Variants in ZNF250 observed in about 807,000 individuals in gnomAD.
The protein encoded by ZNF250 is zinc finger protein 250.
In ZNF250, 13 loss-of-function variants were observed where a neutral mutation model predicts 37.1. That is an observed-to-expected ratio of 0.35 (90% CI 0.23 to 0.56). ZNF250 has a LOEUF of 0.56. Ranked by LOEUF, ZNF250 falls within the 20% of genes least tolerant of loss-of-function variation. The pLI is 0.87. For synonymous variants in ZNF250, 251 were observed against 265.6 expected, an observed-to-expected ratio of 0.94 and a Z score of 0.54; for missense variants, 474 against 697.9, an observed-to-expected ratio of 0.68 and a Z score of 3.61.
intron 1 of ZNF250, chr8:144,895,158 G>A (rs1203229559): frequency 6.6e-6 from 1 of 152,236 alleles, no homozygotes; most frequent in Admixed American, 6.5e-5. Context: ...AAGAATGGAT[G>A]TGGGTGAGGG....
rs926840455 is a variant in ZNF250 at position 144,891,612 on chromosome 8, G to C, written c.-54-1209C>G. On this transcript the variant is annotated intron_variant, in intron 1 of 5. Coordinates refer to ENST00000417550, the MANE Select transcript of ZNF250 (RefSeq NM_001109689.4). This position sits in a 1 kb window ranked among gnomAD's most constrained non-coding sequence, Gnocchi z 4.0. Reference sequence around the variant, plus strand: ...TATGCCTGTAATCCCAGCACTTTGGGAGGCCGAGGCAGGCGGATCACCCGA... The same window carrying C: ...TATGCCTGTAATCCCAGCACTTTGGCAGGCCGAGGCAGGCGGATCACCCGA... 3.9e-5 allele frequency among the ~76,000 whole-genome samples: 6 copies of C among 152,182 alleles called. No homozygotes were observed. The highest frequency in any genetic ancestry group is 1.4e-4 in the African/African-American group (6 of 41,446).
rs750348611 is a variant in ZNF250 at position 144,886,880 on chromosome 8, A to T, written c.306T>A (p.Thr102=). The T allele has an allele frequency of 3.1e-6, 5 of 1,613,568 alleles. No individual in the cohort carries two copies. The South Asian group carries it at 5.5e-5, about 18-fold the overall frequency. ...AACTGTCTTGTTGTGTACAGGCTGT[A>T]GTGTGGTCATATTTGAGGTTGTCTG... ...DYSDNLKYDH[T]TACTQQDSLS... Residue 102 remains threonine (T), a synonymous_variant, in exon 5 of 6, where the codon ACT becomes ACA. Coordinates refer to ENST00000417550, the MANE Select transcript of ZNF250 (RefSeq NM_001109689.4).
chr8:144,901,671 A>G (rs1006345484), upstream of ZNF250: 2 of 150,682 alleles, frequency 1.3e-5, no homozygotes, highest in Non-Finnish European at 3.0e-5. This position sits in a 1 kb window ranked among gnomAD's most constrained non-coding sequence, Gnocchi z 5.4. Context: ...GGGGCCGAAC[A>G]CCTCTGGGCA....
Position 144,890,012 on chromosome 8 carries a change from T to C in ZNF250, c.90A>G (p.Glu30=), listed in dbSNP as rs572434186. 2.4e-5 allele frequency: 38 copies of C among 1,613,328 alleles called. No individual in the cohort carries two copies. The East Asian group carries it at 7.4e-4, about 31-fold the overall frequency. The part of the protein sequence containing the change: ...EDVAVLLSQD[E]WDRLCPAQRG... The stretch of plus-strand genomic sequence containing the variant: ...TCTGAGCAGGGCACAGGCGGTCCCA[T>C]TCATCCTGGGAGAGGAGCACAGCCA... The change falls in exon 3 of 6, where the codon GAA becomes GAG. Residue 30 remains glutamate, a synonymous_variant. Transcript: ENST00000417550. The surrounding 1 kb of genome is among the most constrained non-coding windows in gnomAD (Gnocchi z 5.1).
At chr8:144,886,754 C>T (rs1831908743) in intron 5 of ZNF250, 86 bp downstream of exon 5, 3 of 1,237,480 alleles carry the variant, frequency 2.4e-6, no homozygotes, top group South Asian at 2.5e-5. Context: ...CTTCATAGCA[C>T]CGAGTCGCCT....
rs1477601623 is a variant in ZNF250, at chr8:144,891,054, G to A, written c.-54-651C>T. 6.6e-6 allele frequency among the ~76,000 whole-genome samples: 1 copy of A among 152,118 alleles called. No individual in the cohort carries two copies. The highest frequency in any genetic ancestry group is 1.5e-5 in the Non-Finnish European group (1 of 68,012). ...GTCATCAAGTGAGAAGGGGATGCTTGGGGTAGTGGGGCTGGTGCTGGAACG... is the reference window on the plus strand; with the variant it reads ...GTCATCAAGTGAGAAGGGGATGCTTAGGGTAGTGGGGCTGGTGCTGGAACG... On this transcript the variant is annotated intron_variant, in intron 1 of 5. Transcript: ENST00000417550. The surrounding 1 kb of genome is among the most constrained non-coding windows in gnomAD (Gnocchi z 4.0).
chr8:144,877,072 T>A lies in ZNF250; in HGVS notation c.*4443A>T, dbSNP rs1010889396. The A allele has an allele frequency of 6.6e-6, 1 of 152,252 alleles. No homozygotes were observed. The highest frequency in any genetic ancestry group is 1.5e-5 in the Non-Finnish European group (1 of 68,044). The allele number at this position is 152,252 out of a possible 1,614,324, so 9.4% of individuals were successfully genotyped here. ...AGAGAACCAAGTTTCAAATTCTTAA[T>A]AGCTGTTAGAAGAAACAATTTTAAA... On this transcript the variant is annotated 3_prime_UTR_variant, in exon 6 of 6. Coordinates refer to ENST00000417550, the MANE Select transcript of ZNF250 (RefSeq NM_001109689.4).
intron 5 of ZNF250, among the ~76,000 whole-genome samples, chr8:144,883,460 C>G (rs1831646080): frequency 1.3e-5 from 2 of 152,068 alleles, no homozygotes; most frequent in South Asian, 4.1e-4. Context: ...GTGTCTCAGC[C>G]TCCTGAGTAA....
Position 144,883,161 on chromosome 8 carries a change from G to T in ZNF250, c.347-325C>A, listed in dbSNP as rs141953514. On this transcript the variant is annotated intron_variant, in intron 5 of 5. Coordinates refer to ENST00000417550, the MANE Select transcript of ZNF250 (RefSeq NM_001109689.4). Reference sequence around the variant, plus strand: ...CTGCCCTCCCAGGGGTCCTCATGTGGACAGAGCTGAAATACAGGCCCACAT... The same window carrying T: ...CTGCCCTCCCAGGGGTCCTCATGTGTACAGAGCTGAAATACAGGCCCACAT... 1.8e-4 allele frequency among the ~76,000 whole-genome samples: 28 copies of T among 152,290 alleles called. 1 individual carries two copies. The East Asian group carries it at 5.2e-3, about 28-fold the overall frequency.
chr8:144,892,487 CA>C (rs978233111), intron 1 of ZNF250, among the ~76,000 whole-genome samples: 13 of 151,944 alleles, frequency 8.6e-5, no homozygotes, highest in African/African-American at 2.9e-4. Flanking sequence ...TTTAGTTCAG[CA>C]GGAAATCAGT....
In ZNF250 at chr8:144,891,631, C is replaced by T. The variant is rs1173489143; in HGVS notation, c.-54-1228G>A. Among the ~76,000 whole-genome samples, 1 of 152,136 alleles carries T rather than the reference C, an allele frequency of 6.6e-6. No individual in the cohort carries two copies. Among genetic ancestry groups the T allele is most frequent in the Non-Finnish European group, 1.5e-5 (1 of 68,028 alleles). ...CTTTGGGAGGCCGAGGCAGGCGGAT[C>T]ACCCGAGGTTGGGAGTTCGAGACCA... On this transcript the variant is annotated intron_variant, in intron 1 of 5. Transcript: ENST00000417550. This position sits in a 1 kb window ranked among gnomAD's most constrained non-coding sequence, Gnocchi z 4.0.
At chr8:144,885,968 A>G (rs947475707) in intron 5 of ZNF250, among the ~76,000 whole-genome samples, 1 of 151,604 alleles carries the variant, frequency 6.6e-6, no homozygotes, top group Non-Finnish European at 1.5e-5. Flanking sequence ...ATGGTGGTGT[A>G]CACCTGTGGT....
Position 144,881,676 on chromosome 8 carries a change from C to T in ZNF250, c.1507G>A (p.Glu503Lys). 1 of 1,613,636 alleles carries T rather than the reference C, an allele frequency of 6.2e-7. No homozygotes were observed. The highest frequency in any genetic ancestry group is 8.5e-7 in the Non-Finnish European group (1 of 1,179,878). ...LRTHTGEKPY[E>K]CNSCGKAFSQ... Reference sequence around the variant, plus strand: ...AAGGCCTTCCCGCAGCTATTGCACTCATATGGCTTCTCGCCCGTGTGGGTC... The same window carrying T: ...AAGGCCTTCCCGCAGCTATTGCACTTATATGGCTTCTCGCCCGTGTGGGTC... Residue 503 changes from glutamate to lysine, a missense_variant, in exon 6 of 6, where the codon GAG (glutamate) becomes AAG (lysine). By Grantham distance (56) the Glu-to-Lys change is moderately conservative. Around this residue, in one of 2 missense-constraint regions of ZNF250, gnomAD observed 282 missense variants for 470.4 expected, o/e 0.60. Transcript: ENST00000417550.
Position 144,890,140 on chromosome 8 carries a change from G to T in ZNF250, c.43-81C>A. The T allele has an allele frequency of 6.4e-7, 1 of 1,568,964 alleles. No homozygotes were observed. Among genetic ancestry groups the T allele is most frequent in the South Asian group, 1.2e-5 (1 of 85,936 alleles). On this transcript the variant is annotated intron_variant, in intron 2 of 5. Coordinates refer to ENST00000417550, the MANE Select transcript of ZNF250 (RefSeq NM_001109689.4). The surrounding 1 kb of genome is among the most constrained non-coding windows in gnomAD (Gnocchi z 5.1). ...AGTGGGTGCATGTGACATGTGACAT[G>T]AGCAGTTGGCAGTGGGGGGCTCTGT...
In ZNF250 at chr8:144,881,527, G is replaced by A; in HGVS notation, c.1656C>T (p.His552=). The stretch of plus-strand genomic sequence containing the variant: ...TGTCAGCCATGGGTCACAACTTTCT[G>A]TGCACTTTCTGGTGCTGGATTAGGT... ...HGHLIQHQKV[H]RKL is the part of the protein sequence containing the mutation. Residue 552 remains histidine (H), a synonymous_variant, in exon 6 of 6, where the codon CAC becomes CAT. Transcript: ENST00000417550. 6.3e-7 allele frequency: 1 copy of A among 1,589,770 alleles called. No individual in the cohort carries two copies. Among genetic ancestry groups the A allele is most frequent in the Non-Finnish European group, 8.6e-7 (1 of 1,164,076 alleles).
At position 144,878,309 on chromosome 8, in the gene ZNF250, C is replaced by A. The variant is rs1021143642; in HGVS notation, c.*3206G>T. 2.6e-5 allele frequency: 4 copies of A among 152,238 alleles called. No individual in the cohort carries two copies. The highest frequency in any genetic ancestry group is 4.4e-5 in the Non-Finnish European group (3 of 68,050). 9.4% of individuals were successfully genotyped at this position (152,238 alleles called of 1,614,324 possible). A position where few individuals can be genotyped will look rare whatever the true frequency, so the allele number is the denominator to read the frequency against. On this transcript the variant is annotated 3_prime_UTR_variant, in exon 6 of 6. Coordinates refer to ENST00000417550, the MANE Select transcript of ZNF250 (RefSeq NM_001109689.4). ...AAAGCATCACCCCTAGTGATCTCAACCTTTCTCTGAAGAATCACCTTAGTG... is the reference window on the plus strand; with the variant it reads ...AAAGCATCACCCCTAGTGATCTCAAACTTTCTCTGAAGAATCACCTTAGTG...
chr8:144,885,296 T>C (rs1270263000), intron 5 of ZNF250, among the ~76,000 whole-genome samples: 1 of 152,164 alleles, frequency 6.6e-6, no homozygotes, highest in Non-Finnish European at 1.5e-5. Context: ...ATTTTTTGTA[T>C]TTTTAGTAGA....
chr8:144,882,534 T>C lies in ZNF250; in HGVS notation c.649A>G (p.Thr217Ala). 1 of 1,614,176 alleles carries C rather than the reference T, an allele frequency of 6.2e-7. No individual in the cohort carries two copies. The highest frequency in any genetic ancestry group is 8.5e-7 in the Non-Finnish European group (1 of 1,180,032). The change falls in exon 6 of 6, where the codon ACT becomes GCT. Residue 217 changes from threonine (T) to alanine (A), a missense_variant. Thr to Ala is a moderately conservative substitution (Grantham distance 58). Transcript: ENST00000417550. This position sits in a 1 kb window ranked among gnomAD's most constrained non-coding sequence, Gnocchi z 5.5. Reference protein sequence around the residue: ...SHLLQHQRIHTGEKPYVCSVC... With the variant: ...SHLLQHQRIHAGEKPYVCSVC... ...CTGCACACATAGGGCTTCTCTCCAG[T>C]GTGGATACGCTGATGCTGAAGGAGG...
In ZNF250 at chr8:144,888,700, A is replaced by G. The variant is rs963782631; in HGVS notation, c.283+881T>C. ...AGGTTGACAATCACATAAACTGCAA[A>G]CAATGCTTTTTTCTTTCTAATTCTT... is the stretch of plus-strand genomic sequence containing the variant. On this transcript the variant is annotated intron_variant, in intron 4 of 5. Coordinates refer to ENST00000417550, the MANE Select transcript of ZNF250 (RefSeq NM_001109689.4). Among the ~76,000 whole-genome samples the G allele has an allele frequency of 3.3e-5, 5 of 151,908 alleles. No individual in the cohort carries two copies. In the South Asian group the frequency reaches 1.0e-3, roughly 32 times the overall value.
Sources: allele counts gnomAD v4.1 joint callset (sites outside exome capture counted in the v4.1 genomes callset), GRCh38; gene constraint gnomAD v4.1.1; regional missense constraint gnomAD v4.1.1; non-coding constraint Gnocchi (gnomAD v3.1); transcripts MANE v1.5; gene names NCBI Gene and HGNC (gene_info 2026-07-23, HGNC 2026-07-21).